Variants in TLE6 observed in about 807,000 individuals in gnomAD.
TLE6 encodes the protein TLE family member 6, subcortical maternal complex member.
Under a neutral mutation model 77.1 loss-of-function variants are expected in TLE6, and 72 were observed. The ratio of observed to expected loss-of-function variants is 0.93; its 90% CI spans 0.77 to 1.14. TLE6 has a LOEUF of 1.14. Among genes scored for constraint, TLE6 ranks in the 50% most tolerant of loss-of-function variants. The probability of loss-of-function intolerance (pLI) is 0.00; values close to 1 mark genes in which losing one functional copy is unlikely to be tolerated. For missense variants in TLE6, 843 were observed against 747.6 expected (o/e 1.13, Z -1.49); for synonymous variants, 366 against 287.3 (o/e 1.27, Z -2.77).
intron 4 of TLE6, among the ~76,000 whole-genome samples, chr19:2,981,788 T>A (rs1352296915): frequency 6.6e-6 from 1 of 151,800 alleles, no homozygotes; most frequent in African/African-American, 2.4e-5. Context: ...CTGGCCAACA[T>A]AGTAGAGACC....
At chr19:2,993,311 C>G in intron 14 of TLE6, 121 bp from the exon 15 acceptor site, 1 of 1,041,168 alleles carries the variant, frequency 9.6e-7, no homozygotes, top group Non-Finnish European at 1.4e-6. Context: ...TGTCCCAGGG[C>G]TGCACAGCTA....
intron 1 of TLE6, among the ~76,000 whole-genome samples, chr19:2,977,988 T>C (rs1341308893): frequency 6.6e-6 from 1 of 151,864 alleles, no homozygotes; most frequent in Non-Finnish European, 1.5e-5. Flanking sequence ...CAAGGCTCAG[T>C]TCTTTCTGGG....
intron 2 of TLE6, among the ~76,000 whole-genome samples, chr19:2,979,246 T>C (rs1243823093): frequency 1.3e-5 from 2 of 150,588 alleles, no homozygotes; most frequent in East Asian, 4.0e-4. Context: ...GCCACCACAC[T>C]TGGCCAAGAG....
intron 2 of TLE6, among the ~76,000 whole-genome samples, chr19:2,979,206 C>G (rs2088744037): frequency 6.6e-6 from 1 of 152,064 alleles, no homozygotes; most frequent in South Asian, 2.1e-4. Flanking sequence ...CCTGCCTCAG[C>G]CTCCCAAAGT....
chr19:2,981,917 A>C (rs542050132), intron 4 of TLE6, among the ~76,000 whole-genome samples: 19 of 152,026 alleles, frequency 1.2e-4, no homozygotes, highest in African/African-American at 4.3e-4. Flanking sequence ...GGTTGCGGTG[A>C]ACTGAGATCA....
intron 5 of TLE6, 65 bp downstream of exon 5, chr19:2,982,254 G>C (rs984306671): frequency 2.0e-6 from 3 of 1,528,198 alleles, no homozygotes; most frequent in Non-Finnish European, 2.7e-6. Flanking sequence ...AGCACAGAGG[G>C]GGGCCGGGCA....
chr19:2,978,016 C>T (rs939757306), intron 1 of TLE6, among the ~76,000 whole-genome samples, 182 bp from the exon 2 acceptor site: 2 of 152,094 alleles, frequency 1.3e-5, no homozygotes, highest in African/African-American at 4.8e-5. Context: ...CCCCATGAAT[C>T]TGGGCAGCTG....
In TLE6 at chr19:2,992,793, A is replaced by AAACGGGGG. The variant is rs1487334518; in HGVS notation, c.1387-639_1387-638insAACGGGGG. Among the ~76,000 whole-genome samples, 3 of 19,754 alleles carry AAACGGGGG rather than the reference A, an allele frequency of 1.5e-4. 1 individual carries two copies. Among genetic ancestry groups the AAACGGGGG allele is most frequent in the Admixed American group, 1.6e-3 (2 of 1,222 alleles). The allele number at this position is 19,754 out of a possible 152,430, so 13.0% of individuals were successfully genotyped here. On this transcript the variant is annotated intron_variant, in intron 14 of 16. Transcript: ENST00000246112. ...AGACCCTGTCTCAAAAAAAAAAAAAAGGGGGGGAGGCGGGTGGGGGGGGGG... is the reference window on the plus strand; with the variant it reads ...AGACCCTGTCTCAAAAAAAAAAAAAAAACGGGGGGGGGGGGAGGCGGGTGGGGGGGGGG...
intron 1 of TLE6, among the ~76,000 whole-genome samples, 158 bp from the exon 2 acceptor site, chr19:2,978,040 G>C (rs1480415847): frequency 6.6e-6 from 1 of 152,150 alleles, no homozygotes; most frequent in Non-Finnish European, 1.5e-5. Context: ...GCATTGATAA[G>C]TGAGGACAGG....
intron 2 of TLE6, among the ~76,000 whole-genome samples, chr19:2,978,976 CGG>C (rs2088737591): frequency 6.6e-6 from 1 of 151,932 alleles, no homozygotes; most frequent in East Asian, 1.9e-4. Flanking sequence ...ATGTTTGAGA[CGG>C]AGTCTCACAC....
In TLE6 at chr19:2,987,093, C is replaced by G; in HGVS notation, c.396C>G (p.Leu132=). The stretch of plus-strand genomic sequence containing the variant: ...TGGCCACCAGGTCCTCCGACTGGCT[C>G]CGGCGGCCTTTGGGGGAGGACAATC... ...DIMATRSSDW[L]RRPLGEDNQP... is the part of the protein sequence containing the mutation. Residue 132 remains leucine, a synonymous_variant, in exon 7 of 17, where the codon CTC becomes CTG. Coordinates refer to ENST00000246112, the MANE Select transcript of TLE6 (RefSeq NM_001143986.2). 6.2e-7 allele frequency: 1 copy of G among 1,614,166 alleles called. No homozygotes were observed. The highest frequency in any genetic ancestry group is 8.5e-7 in the Non-Finnish European group (1 of 1,180,024).
At chr19:2,980,210 C>T (rs1175766817) in intron 3 of TLE6, 28 bp downstream of exon 3, 16 of 1,535,720 alleles carry the variant, frequency 1.0e-5, no homozygotes, top group Non-Finnish European at 1.4e-5. Context: ...GGCCGGAGGT[C>T]TCACGCTGGG....
At chr19:2,985,339 C>T (rs2088884023) in intron 5 of TLE6, among the ~76,000 whole-genome samples, 2 of 149,766 alleles carry the variant, frequency 1.3e-5, no homozygotes, top group African/African-American at 4.9e-5. Context: ...AAAGTTTAAG[C>T]AAATTAAAAC....
chr19:2,987,710 T>G lies in TLE6; in HGVS notation c.559-14T>G, dbSNP rs751993896. 6.2e-7 allele frequency: 1 copy of G among 1,613,918 alleles called. No individual in the cohort carries two copies. The highest frequency in any genetic ancestry group is 2.2e-5 in the East Asian group (1 of 44,874). ...GCAGGTCAGCAGGCCTGATGAGACT[T>G]TTCCATTTTCCAGGGGCAGGAAAGC... On this transcript the variant is annotated splice_polypyrimidine_tract_variant and intron_variant, in intron 8 of 16. Coordinates refer to ENST00000246112, the MANE Select transcript of TLE6 (RefSeq NM_001143986.2).
At chr19:2,992,642 G>GC (rs1422688431) in intron 14 of TLE6, among the ~76,000 whole-genome samples, 1 of 151,818 alleles carries the variant, frequency 6.6e-6, no homozygotes, top group Non-Finnish European at 1.5e-5. Context: ...GAGCATGGTG[G>GC]CACGTACCTG....
At chr19:2,991,397 C>T (rs11882483) in intron 13 of TLE6, among the ~76,000 whole-genome samples, 1,394 of 62,248 alleles carry the variant, frequency 0.022, 8 homozygotes, top group South Asian at 0.064. Context: ...TATATATATA[C>T]ACACACACAC....
Position 2,989,159 on chromosome 19 carries a change from T to C in TLE6, c.839T>C (p.Met280Thr), listed in dbSNP as rs768221505. ...GCCGTCCCGTGCAAACTGGAAAAGA[T>C]GCGGATCTTGGCACACGGGGAGCTC... is the stretch of plus-strand genomic sequence containing the variant. ...RLAVPCKLEK[M>T]RILAHGELVL... Residue 280 changes from methionine (M) to threonine (T), a missense_variant, in exon 12 of 17, where the codon ATG becomes ACG. Met to Thr is a moderately conservative substitution (Grantham distance 81). Coordinates refer to ENST00000246112, the MANE Select transcript of TLE6 (RefSeq NM_001143986.2). 1.9e-6 allele frequency: 3 copies of C among 1,614,026 alleles called. No individual in the cohort carries two copies. In the African/African-American group the frequency reaches 4.0e-5, roughly 22 times the overall value.
chr19:2,981,189 T>A (rs2088790580), intron 3 of TLE6, among the ~76,000 whole-genome samples: 1 of 151,662 alleles, frequency 6.6e-6, no homozygotes, highest in Non-Finnish European at 1.5e-5. Flanking sequence ...TGAAACACTG[T>A]TTCTATTAAA....
intron 4 of TLE6, 95 bp from the exon 5 acceptor site, chr19:2,982,053 G>A (rs777565823): frequency 9.3e-6 from 12 of 1,288,234 alleles, no homozygotes; most frequent in Non-Finnish European, 1.3e-5. Context: ...TAAGGTGGGG[G>A]AGTAGGGGCC....
Sources: allele counts gnomAD v4.1 joint callset (sites outside exome capture counted in the v4.1 genomes callset), GRCh38; gene constraint gnomAD v4.1.1; transcripts MANE v1.5; gene names NCBI Gene and HGNC (gene_info 2026-07-23, HGNC 2026-07-21).